Variants in SLC45A3 observed in about 807,000 individuals in gnomAD.
SLC45A3 encodes prostate cancer associated protein 2.
A neutral mutation model predicts 35.3 loss-of-function variants in SLC45A3; 17 were observed. The observed-to-expected ratio is 0.48, with a 90% CI of 0.33 to 0.72. The LOEUF is 0.72. Among genes scored for constraint, SLC45A3 ranks in the 30% least tolerant of loss-of-function variants. SLC45A3 has a pLI of 0.02. For missense variants in SLC45A3, 597 were observed against 731.7 expected (o/e 0.82, Z 2.12); for synonymous variants, 288 against 334.3 (o/e 0.86, Z 1.51).
chr1:205,660,365 G>A (rs760765604), intron 4 of SLC45A3, among the ~76,000 whole-genome samples: 36 of 152,182 alleles, frequency 2.4e-4, no homozygotes, highest in Non-Finnish European at 4.4e-4. Flanking sequence ...GTGACTGGTC[G>A]ACCACCATCC....
intron 1 of SLC45A3, among the ~76,000 whole-genome samples, chr1:205,667,136 G>A (rs1571536978): frequency 6.6e-6 from 1 of 152,130 alleles, no homozygotes; most frequent in South Asian, 2.1e-4. Flanking sequence ...TGGGAGGCTG[G>A]AGTGGGATGA....
At chr1:205,673,772 C>T (rs1024622111) in intron 1 of SLC45A3, among the ~76,000 whole-genome samples, 1 of 152,216 alleles carries the variant, frequency 6.6e-6, no homozygotes, top group East Asian at 1.9e-4. Context: ...TTCTCAAAAA[C>T]AGTCACTCTC....
intron 4 of SLC45A3, 140 bp downstream of exon 4, chr1:205,661,721 G>A: frequency 1.6e-6 from 2 of 1,269,838 alleles, no homozygotes; most frequent in Non-Finnish European, 1.1e-6. Flanking sequence ...TCTGGCCCTG[G>A]GGCTAGGATA....
At chr1:205,680,063 T>C (rs1671379669) in intron 1 of SLC45A3, among the ~76,000 whole-genome samples, 1 of 130,424 alleles carries the variant, frequency 7.7e-6, no homozygotes, top group Non-Finnish European at 1.7e-5. Context: ...GGCCCGGGGC[T>C]CCGGGGAGGG....
In SLC45A3 at chr1:205,662,737, G is replaced by A; in HGVS notation, c.958+96C>T. ...CCCACTTTCCTGACAGAGAAGTCGG[G>A]GCCAGGATGGAGAGGCACCAGCCCA... On this transcript the variant is annotated intron_variant, in intron 3 of 4. Transcript: ENST00000367145. The surrounding 1 kb of genome is among the most constrained non-coding windows in gnomAD (Gnocchi z 6.2). 1 of 1,494,314 alleles carries A rather than the reference G, an allele frequency of 6.7e-7. No homozygotes were observed. The highest frequency in any genetic ancestry group is 1.4e-5 in the South Asian group (1 of 71,592). 92.6% of individuals were successfully genotyped at this position (1,494,314 alleles called of 1,614,324 possible).
Position 205,662,732 on chromosome 1 carries a change from G to A in SLC45A3, c.958+101C>T, listed in dbSNP as rs11809676. ...CCATCCCCACTTTCCTGACAGAGAA[G>A]TCGGGGCCAGGATGGAGAGGCACCA... On this transcript the variant is annotated intron_variant, in intron 3 of 4. Transcript: ENST00000367145. This position sits in a 1 kb window ranked among gnomAD's most constrained non-coding sequence, Gnocchi z 6.2. 267 of 1,489,218 alleles carry A rather than the reference G, an allele frequency of 1.8e-4. No homozygotes were observed. The African/African-American group carries it at 2.1e-3, about 11-fold the overall frequency. 92.3% of individuals were successfully genotyped at this position (1,489,218 alleles called of 1,614,324 possible).
rs779692620 is a variant in SLC45A3, at chr1:205,663,365, T to G, written c.426A>C (p.Pro142=). 6.2e-7 allele frequency: 1 copy of G among 1,613,262 alleles called. No individual in the cohort carries two copies. Among genetic ancestry groups the G allele is most frequent in the South Asian group, 1.1e-5 (1 of 91,072 alleles). The part of the protein sequence containing the change: ...LDFCGQVCFT[P]LEALLSDLFR... ...AGAGGTCAGAGAGCAGGGCCTCCAG[T>G]GGAGTGAAGCACACCTGGCCACAGA... Residue 142 remains proline, a synonymous_variant, in exon 3 of 5, where the codon CCA becomes CCC. Transcript: ENST00000367145.
At chr1:205,661,063 C>A (rs1671013878) in intron 4 of SLC45A3, among the ~76,000 whole-genome samples, 1 of 152,248 alleles carries the variant, frequency 6.6e-6, no homozygotes, top group African/African-American at 2.4e-5. Flanking sequence ...GACACCCCAA[C>A]TTCATGCCCC....
chr1:205,663,411 A>G lies in SLC45A3; in HGVS notation c.380T>C (p.Leu127Pro). Residue 127 changes from leucine (L) to proline (P), a missense_variant, in exon 3 of 5, where the codon CTG (leucine) becomes CCG (proline). Transcript: ENST00000367145. ...PRPLELALLI[L>P]GVGLLDFCGQ... Reference sequence around the variant, plus strand: ...ACAGAAGTCCAGCAGCCCCACGCCCAGGATGAGCAGTGCCAGCTCCAGGGG... The same window carrying G: ...ACAGAAGTCCAGCAGCCCCACGCCCGGGATGAGCAGTGCCAGCTCCAGGGG... The G allele has an allele frequency of 6.2e-7, 1 of 1,613,220 alleles. No individual in the cohort carries two copies. The highest frequency in any genetic ancestry group is 8.5e-7 in the Non-Finnish European group (1 of 1,179,906).
At chr1:205,661,783 C>G in intron 4 of SLC45A3, 78 bp downstream of exon 4, 1 of 1,536,848 alleles carries the variant, frequency 6.5e-7, no homozygotes, top group Non-Finnish European at 8.8e-7. Context: ...TGCCAGATAC[C>G]AGGTTCTGAG....
rs1670975964 is a variant in SLC45A3, at chr1:205,659,321, C to T, written c.1575G>A (p.Val525=). ...CGACCAGACCCAGGCCTGCGGCAGA[C>T]ACCATATAGGCAGTGACAGACTGGC... The part of the protein sequence containing the change: ...QLSQSVTAYM[V]SAAGLGLVAI... The change falls in exon 5 of 5, where the codon GTG becomes GTA. Residue 525 remains valine (V), a synonymous_variant. Transcript: ENST00000367145. This position sits in a 1 kb window ranked among gnomAD's most constrained non-coding sequence, Gnocchi z 5.8. 1 of 1,614,214 alleles carries T rather than the reference C, an allele frequency of 6.2e-7. No homozygotes were observed.
At chr1:205,661,291 G>C (rs1446705125) in intron 4 of SLC45A3, among the ~76,000 whole-genome samples, 1 of 152,206 alleles carries the variant, frequency 6.6e-6, no homozygotes, top group Admixed American at 6.5e-5. Context: ...AGGGGAAGGG[G>C]AAGGGGAAGG....
At position 205,669,978 on chromosome 1, in the gene SLC45A3, G is replaced by A. The variant is rs1341638813; in HGVS notation, c.-230-5092C>T. On this transcript the variant is annotated intron_variant, in intron 1 of 4. Coordinates refer to ENST00000367145, the MANE Select transcript of SLC45A3 (RefSeq NM_033102.3). This position sits in a 1 kb window ranked among gnomAD's most constrained non-coding sequence, Gnocchi z 4.1. ...GTCCTCTAGGTTGGGGGCAGGGAGT[G>A]GACCTCTCAGGTCTGGGGGTTCCCC... 2.0e-5 allele frequency among the ~76,000 whole-genome samples: 3 copies of A among 152,192 alleles called. No individual in the cohort carries two copies. The highest frequency in any genetic ancestry group is 6.5e-5 in the Admixed American group (1 of 15,286).
chr1:205,669,012 C>T lies in SLC45A3; in HGVS notation c.-230-4126G>A, dbSNP rs1372617759. On this transcript the variant is annotated intron_variant, in intron 1 of 4. Transcript: ENST00000367145. This position sits in a 1 kb window ranked among gnomAD's most constrained non-coding sequence, Gnocchi z 4.1. ...CCCCTATGCATCCCAATATGTGACA[C>T]CCCCAGGGCTGGCTCCCACCCCAGC... Among the ~76,000 whole-genome samples the T allele has an allele frequency of 1.3e-5, 2 of 152,164 alleles. No individual in the cohort carries two copies. Among genetic ancestry groups the T allele is most frequent in the Non-Finnish European group, 2.9e-5 (2 of 68,032 alleles).
chr1:205,676,400 C>G (rs562758869), intron 1 of SLC45A3, among the ~76,000 whole-genome samples: 6 of 152,254 alleles, frequency 3.9e-5, no homozygotes, highest in African/African-American at 1.4e-4. Flanking sequence ...CTCCAAACCC[C>G]TTCTTGCTGG....
Position 205,659,588 on chromosome 1 carries a change from C to T in SLC45A3, c.1308G>A (p.Lys436=). The change falls in exon 5 of 5, where the codon AAG becomes AAA. Residue 436 remains lysine, a synonymous_variant. Transcript: ENST00000367145. The surrounding 1 kb of genome is among the most constrained non-coding windows in gnomAD (Gnocchi z 5.8). ...SLMTSFLPGP[K]PGAPFPNGHV... is the part of the protein sequence containing the mutation. ...GTCCATTAGGGAAGGGAGCTCCAGG[C>T]TTAGGGCCTGGCAGGAAGCTGGTCA... The T allele has an allele frequency of 1.9e-6, 3 of 1,576,914 alleles. No individual in the cohort carries two copies. Among genetic ancestry groups the T allele is most frequent in the Non-Finnish European group, 2.6e-6 (3 of 1,162,544 alleles).
At chr1:205,670,929 C>T (rs1327996616) in intron 1 of SLC45A3, among the ~76,000 whole-genome samples, 1 of 152,230 alleles carries the variant, frequency 6.6e-6, no homozygotes, top group Non-Finnish European at 1.5e-5. Flanking sequence ...CTCCCTCCCC[C>T]CACTCACCCC....
intron 1 of SLC45A3, among the ~76,000 whole-genome samples, chr1:205,676,587 G>C (rs1299659041): frequency 6.6e-6 from 1 of 152,168 alleles, no homozygotes; most frequent in African/African-American, 2.4e-5. Flanking sequence ...ATGAAGTCAA[G>C]GCCAACAGGG....
At chr1:205,679,603 C>A (rs1469715181) in intron 1 of SLC45A3, among the ~76,000 whole-genome samples, 1 of 152,032 alleles carries the variant, frequency 6.6e-6, no homozygotes, top group African/African-American at 2.4e-5. Flanking sequence ...CCTTCCCCAC[C>A]TGAGACCTGG....
Sources: gnomAD v4.1 joint callset for allele counts (sites outside exome capture counted in the v4.1 genomes callset) on GRCh38, gnomAD v4.1.1 for gene constraint, Gnocchi (gnomAD v3.1) non-coding constraint, MANE v1.5 for transcripts, NCBI Gene and HGNC (gene_info 2026-07-23, HGNC 2026-07-21) for gene names.